The following ADCY8 variants were observed in gnomAD, a reference collection of about 807,000 sequenced individuals.
ADCY8 encodes adenylate cyclase type 8.
A neutral mutation model predicts 119.7 loss-of-function variants in ADCY8; 51 were observed. The ratio of observed to expected loss-of-function variants is 0.43; its 90% CI spans 0.34 to 0.54. ADCY8 has a LOEUF of 0.54. Ranked by LOEUF, ADCY8 falls within the 20% of genes least tolerant of loss-of-function variation. ADCY8 has a pLI of 0.03. For synonymous variants in ADCY8, 665 were observed against 651.0 expected, an observed-to-expected ratio of 1.02 and a Z score of -0.33; for missense variants, 1,383 against 1,598.8, an observed-to-expected ratio of 0.87 and a Z score of 2.30.
intron 3 of ADCY8, among the ~76,000 whole-genome samples, chr8:130,950,239 T>G (rs910094194): frequency 2.0e-5 from 3 of 152,374 alleles, no homozygotes; most frequent in South Asian, 2.1e-4. Context: ...ACAGTTCCAC[T>G]GTATAAGCTG....
At chr8:130,951,267 C>T (rs1821261131) in intron 3 of ADCY8, among the ~76,000 whole-genome samples, 1 of 152,176 alleles carries the variant, frequency 6.6e-6, no homozygotes, top group South Asian at 2.1e-4. Context: ...GATTTTAAAG[C>T]TTGTGTGCCT....
chr8:130,827,873 G>C (rs1324135623), intron 12 of ADCY8, among the ~76,000 whole-genome samples: 1 of 152,206 alleles, frequency 6.6e-6, no homozygotes, highest in Non-Finnish European at 1.5e-5. Context: ...ACAGGCATCT[G>C]TCAGCCAGTT....
intron 17 of ADCY8, among the ~76,000 whole-genome samples, 181 bp downstream of exon 17, chr8:130,783,510 T>C (rs1815154374): frequency 6.6e-6 from 1 of 152,206 alleles, no homozygotes; most frequent in Admixed American, 6.5e-5. Flanking sequence ...TTCCAGCATC[T>C]TGACTGAGAG....
intron 14 of ADCY8, among the ~76,000 whole-genome samples, chr8:130,801,187 A>C (rs77126838): frequency 0.16 from 24,206 of 152,110 alleles, 2,260 homozygotes; most frequent in African/African-American, 0.26. Flanking sequence ...CAGTTCATTC[A>C]TTCTTGGTAA....
chr8:130,952,500 C>G (rs1174346011), intron 2 of ADCY8, among the ~76,000 whole-genome samples: 1 of 152,106 alleles, frequency 6.6e-6, no homozygotes, highest in Non-Finnish European at 1.5e-5. Flanking sequence ...TATCCTGAGG[C>G]AGAAATGAGC....
rs150172621 is a variant in ADCY8, at chr8:130,987,224, T to G, written c.1110+3169A>C. Among the ~76,000 whole-genome samples the G allele has an allele frequency of 3.6e-3, 555 of 152,328 alleles. 14 individuals are homozygous for G. The highest frequency in any genetic ancestry group is 0.035 in the Admixed American group (528 of 15,300). ...ACCCTTTACTGCTTCTCCACTGAGC[T>G]GAATCCTATTCACATGTCAGCTCAG... On this transcript the variant is annotated intron_variant, in intron 2 of 17. Transcript: ENST00000286355.
chr8:131,028,899 C>T (rs144873712), intron 1 of ADCY8, among the ~76,000 whole-genome samples: 38 of 152,282 alleles, frequency 2.5e-4, no homozygotes, highest in African/African-American at 8.9e-4. Context: ...CCTGTATGTA[C>T]CCAGATGGTG....
In ADCY8 at chr8:131,011,800, C is replaced by A. The variant is rs75700687; in HGVS notation, c.961-21258G>T. ...CCTCTGGTTCCAACACTGACTCTAC[C>A]CCCCAGAAGCTGATGCCCAGGTAGA... On this transcript the variant is annotated intron_variant, in intron 1 of 17. Transcript: ENST00000286355. Among the ~76,000 whole-genome samples, 1,341 of 152,152 alleles carry A rather than the reference C, an allele frequency of 8.8e-3. 16 individuals are homozygous for A. The highest frequency in any genetic ancestry group is 0.03 in the African/African-American group (1,245 of 41,508).
intron 15 of ADCY8, among the ~76,000 whole-genome samples, chr8:130,786,318 C>T (rs771793752): frequency 7.9e-5 from 12 of 152,178 alleles, no homozygotes; most frequent in East Asian, 1.9e-4. Context: ...ATTTCCTTTA[C>T]CTTTACCTGT....
intron 15 of ADCY8, among the ~76,000 whole-genome samples, chr8:130,789,808 A>G (rs888773006): frequency 3.9e-5 from 6 of 152,170 alleles, no homozygotes; most frequent in Non-Finnish European, 8.8e-5. Flanking sequence ...TGGTCCCATA[A>G]GCATCACCTG....
intron 5 of ADCY8, among the ~76,000 whole-genome samples, chr8:130,910,144 C>T (rs1819936578): frequency 6.6e-6 from 1 of 151,990 alleles, no homozygotes; most frequent in Admixed American, 6.6e-5. Flanking sequence ...CACCTCTTCA[C>T]TTTCAATGTC....
chr8:130,906,266 G>A (rs1247135967), intron 6 of ADCY8, among the ~76,000 whole-genome samples: 2 of 152,194 alleles, frequency 1.3e-5, no homozygotes, highest in African/African-American at 2.4e-5. Context: ...TTTCTCAGAT[G>A]AATCTGAGTT....
chr8:130,913,858 A>T (rs1289244316), intron 5 of ADCY8, among the ~76,000 whole-genome samples: 2 of 152,174 alleles, frequency 1.3e-5, no homozygotes, highest in African/African-American at 4.8e-5. Flanking sequence ...TTAGTGCTAG[A>T]CAGCCAAGTT....
chr8:130,869,061 TTAGTGTCATAGC>T (rs989000748), intron 8 of ADCY8, among the ~76,000 whole-genome samples: 1 of 152,242 alleles, frequency 6.6e-6, no homozygotes, highest in African/African-American at 2.4e-5. Flanking sequence ...ACCCCACTTC[TTAGTGTCATAGC>T]TAAGGTTTGG....
At chr8:130,784,086 T>C (rs1204585622) in intron 16 of ADCY8, among the ~76,000 whole-genome samples, 2 of 152,078 alleles carry the variant, frequency 1.3e-5, no homozygotes, top group Non-Finnish European at 2.9e-5. Context: ...TTCCGTAGTG[T>C]ATGTTCACTG....
chr8:131,004,290 C>G (rs1823045802), intron 1 of ADCY8, among the ~76,000 whole-genome samples: 1 of 152,146 alleles, frequency 6.6e-6, no homozygotes, highest in Non-Finnish European at 1.5e-5. Context: ...ACACCCTCCC[C>G]AGCTTTATCT....
chr8:130,944,826 C>T (rs1392870982), intron 3 of ADCY8, among the ~76,000 whole-genome samples: 2 of 152,148 alleles, frequency 1.3e-5, no homozygotes, highest in Non-Finnish European at 2.9e-5. Context: ...AGGCACTGGA[C>T]TAGAAAGTTA....
intron 15 of ADCY8, among the ~76,000 whole-genome samples, chr8:130,797,238 A>AT (rs138895436): frequency 6.6e-6 from 1 of 151,930 alleles, no homozygotes; most frequent in Non-Finnish European, 1.5e-5. Context: ...TTTTTTGCGA[A>AT]TTTTTTTAAA....
At chr8:130,849,919 G>A (rs546705184) in intron 9 of ADCY8, 116 bp from the exon 10 acceptor site, 1 of 1,035,490 alleles carries the variant, frequency 9.7e-7, no homozygotes, top group African/African-American at 1.6e-5. Flanking sequence ...TGAAAGTTCT[G>A]TTTGTCCAAG....
Sources: allele counts gnomAD v4.1 joint callset (sites outside exome capture counted in the v4.1 genomes callset), GRCh38; gene constraint gnomAD v4.1.1; transcripts MANE v1.5; gene names NCBI Gene and HGNC (gene_info 2026-07-23, HGNC 2026-07-21).